The following NTM variants were observed in gnomAD, a reference collection of about 807,000 sequenced individuals.
NTM encodes neurotrimin, also known as IgLON family member 2.
A neutral mutation model predicts 42.1 loss-of-function variants in NTM; 13 were observed. That is an observed-to-expected ratio of 0.31 (90% CI 0.20 to 0.49). NTM has a LOEUF of 0.49. NTM is among the 20% of genes least tolerant of loss of function. NTM has a pLI of 0.99. For synonymous variants in NTM, 187 were observed against 179.2 expected, an observed-to-expected ratio of 1.04 and a Z score of -0.35; for missense variants, 373 against 452.8, an observed-to-expected ratio of 0.82 and a Z score of 1.60.
chr11:132,323,441 T>A (rs1400836209), intron 7 of NTM, among the ~76,000 whole-genome samples: 2 of 151,378 alleles, frequency 1.3e-5, no homozygotes, highest in Non-Finnish European at 2.9e-5. Flanking sequence ...ATGGATAAAT[T>A]CCTCGACACA....
chr11:131,552,829 A>AT (rs1426316651), intron 1 of NTM, among the ~76,000 whole-genome samples: 29 of 151,912 alleles, frequency 1.9e-4, no homozygotes, highest in Non-Finnish European at 2.6e-4. Context: ...AAAAAAAAAA[A>AT]AATAATAGCC....
At chr11:131,942,763 T>G (rs1289338685) in intron 2 of NTM, among the ~76,000 whole-genome samples, 1 of 151,912 alleles carries the variant, frequency 6.6e-6, no homozygotes, top group Non-Finnish European at 1.5e-5. Context: ...CTGGCCCACA[T>G]GGTGAAACCC....
intron 4 of NTM, among the ~76,000 whole-genome samples, chr11:132,265,547 C>G (rs557146038): frequency 1.3e-5 from 2 of 152,158 alleles, no homozygotes; most frequent in Non-Finnish European, 2.9e-5. Context: ...GCATAAAAAC[C>G]AGCACTGATG....
chr11:132,236,566 T>C (rs190012701), intron 4 of NTM, among the ~76,000 whole-genome samples: 1 of 152,182 alleles, frequency 6.6e-6, no homozygotes, highest in East Asian at 1.9e-4. Flanking sequence ...TGATTACTAG[T>C]GTTATTAGGA....
chr11:131,766,842 G>A (rs1218948317), intron 1 of NTM, among the ~76,000 whole-genome samples: 2 of 152,108 alleles, frequency 1.3e-5, no homozygotes, highest in Non-Finnish European at 2.9e-5. Context: ...TGCCACGTGA[G>A]TAACGGGGCC....
rs533669362 is a variant in NTM at position 131,865,694 on chromosome 11, AAC to A, written c.83-45866_83-45865del. Among the ~76,000 whole-genome samples the A allele has an allele frequency of 1.4e-4, 21 of 150,754 alleles. No individual in the cohort carries two copies. The East Asian group carries it at 1.8e-3, about 13-fold the overall frequency. On this transcript the variant is annotated intron_variant, in intron 1 of 8. Transcript: ENST00000683400. ...CACACACACTCACATACACACCAAA[AAC>A]ACAGACACCCCACACACTGACACAC...
At chr11:132,084,052 C>T (rs1390508509) in intron 2 of NTM, among the ~76,000 whole-genome samples, 3 of 152,168 alleles carry the variant, frequency 2.0e-5, no homozygotes, top group East Asian at 3.9e-4. Flanking sequence ...TCTTGTTCTG[C>T]TTGATATTCG....
intron 2 of NTM, among the ~76,000 whole-genome samples, chr11:132,141,932 G>A (rs1165479157): frequency 6.6e-6 from 1 of 152,186 alleles, no homozygotes; most frequent in East Asian, 1.9e-4. Context: ...AAGGCTAATG[G>A]CCACTGCCAG....
chr11:131,948,503 G>A (rs1386013612), intron 2 of NTM, among the ~76,000 whole-genome samples: 1 of 152,212 alleles, frequency 6.6e-6, no homozygotes, highest in Non-Finnish European at 1.5e-5. Flanking sequence ...TGGTGATAGA[G>A]GCTTGTTCAC....
intron 1 of NTM, among the ~76,000 whole-genome samples, chr11:131,701,810 G>GGGAGGGGTGGAAATAGGGGT (rs2076100525): frequency 6.6e-6 from 1 of 152,146 alleles, no homozygotes; most frequent in Non-Finnish European, 1.5e-5. Flanking sequence ...GGAAAGCCAA[G>GGGAGGGGTGGAAATAGGGGT]GGAGGGGTGG....
At chr11:131,812,239 A>G (rs1257831282) in intron 1 of NTM, among the ~76,000 whole-genome samples, 3 of 112,708 alleles carry the variant, frequency 2.7e-5, no homozygotes, top group African/African-American at 9.6e-5. Context: ...CCTCCCTCTC[A>G]TTCTCCCCCT....
At chr11:131,891,415 G>A (rs1161204160) in intron 1 of NTM, among the ~76,000 whole-genome samples, 1 of 152,208 alleles carries the variant, frequency 6.6e-6, no homozygotes, top group African/African-American at 2.4e-5. Context: ...CACTTGGGAA[G>A]ATGCTGTCCA....
rs1475407923 is a variant in NTM at position 131,924,637 on chromosome 11, C to T, written c.167+12989C>T. ...TCTGGATGTTGATGTCCAAAATTAC[C>T]TTGGAAACCTGTGTCCTGTTTGGCG... On this transcript the variant is annotated intron_variant, in intron 2 of 8. Coordinates refer to ENST00000683400, the MANE Select transcript of NTM (RefSeq NM_001352005.2). Among the ~76,000 whole-genome samples the T allele has an allele frequency of 2.9e-5, 4 of 139,142 alleles. No individual in the cohort carries two copies. In the Admixed American group the frequency reaches 3.0e-4, roughly 10 times the overall value. 91.3% of individuals were successfully genotyped at this position (139,142 alleles called of 152,430 possible).
At chr11:131,585,382 G>C (rs1184941569) in intron 1 of NTM, among the ~76,000 whole-genome samples, 1 of 152,170 alleles carries the variant, frequency 6.6e-6, no homozygotes, top group Non-Finnish European at 1.5e-5. Context: ...GTCCGGGTTT[G>C]GTGGGAGGAA....
chr11:131,448,627 C>T (rs957539564), intron 1 of NTM, among the ~76,000 whole-genome samples: 1 of 152,244 alleles, frequency 6.6e-6, no homozygotes, highest in Admixed American at 6.5e-5. Context: ...CAGTGCAGAG[C>T]ACATGGAAGG....
chr11:132,200,950 A>G (rs759502448), intron 3 of NTM, among the ~76,000 whole-genome samples: 118 of 152,236 alleles, frequency 7.8e-4, no homozygotes, highest in Non-Finnish European at 1.2e-3. Flanking sequence ...TAGAAATACA[A>G]ACTTCATCCC....
At chr11:131,598,799 T>TTCTTC (rs1555161500) in intron 1 of NTM, among the ~76,000 whole-genome samples, 1 of 77,392 alleles carries the variant, frequency 1.3e-5, no homozygotes, top group African/African-American at 4.2e-5. Context: ...CTTTCTTTCT[T>TTCTTC]TTTCTTTCTT....
intron 1 of NTM, among the ~76,000 whole-genome samples, chr11:131,428,880 CA>C (rs35312475): frequency 0.071 from 5,926 of 83,984 alleles, 101 homozygotes; most frequent in African/African-American, 0.099. Flanking sequence ...ACTAAAAATA[CA>C]AAAAAAAAAA....
At chr11:132,042,105 G>A (rs888034877) in intron 2 of NTM, among the ~76,000 whole-genome samples, 1 of 152,138 alleles carries the variant, frequency 6.6e-6, no homozygotes, top group African/African-American at 2.4e-5. Flanking sequence ...GCAGTAGGTT[G>A]CCACAATGTA....
Sources: allele counts gnomAD v4.1 joint callset (sites outside exome capture counted in the v4.1 genomes callset), GRCh38; gene constraint gnomAD v4.1.1; transcripts MANE v1.5; gene names NCBI Gene and HGNC (gene_info 2026-07-23, HGNC 2026-07-21).